ANKS1B: variants seen among roughly 807,000 people sequenced by gnomAD.
ANKS1B encodes the protein ankyrin repeat and sterile alpha motif domain containing 1B.
In ANKS1B, 36 loss-of-function variants were observed where a neutral mutation model predicts 148.3. That is an observed-to-expected ratio of 0.24 (90% CI 0.19 to 0.32). The LOEUF is 0.32. ANKS1B is among the 10% of genes least tolerant of loss of function. The probability of loss-of-function intolerance (pLI) is 1.00; values close to 1 mark genes in which losing one functional copy is unlikely to be tolerated. For synonymous variants in ANKS1B, 542 were observed against 560.8 expected, an observed-to-expected ratio of 0.97 and a Z score of 0.47; for missense variants, 1,157 against 1,542.6, an observed-to-expected ratio of 0.75 and a Z score of 4.19.
At chr12:98,753,266 TCTCA>T (rs2098139369) in intron 25 of ANKS1B, among the ~76,000 whole-genome samples, 2 of 152,148 alleles carry the variant, frequency 1.3e-5, no homozygotes, top group Admixed American at 1.3e-4. Context: ...CCTTGTCTTC[TCTCA>T]CTGAGAAACC....
At chr12:99,314,839 A>C (rs925049098) in intron 12 of ANKS1B, among the ~76,000 whole-genome samples, 2 of 152,200 alleles carry the variant, frequency 1.3e-5, no homozygotes, top group African/African-American at 4.8e-5. Flanking sequence ...AGGCAATACC[A>C]TTCAGGACAT....
intron 11 of ANKS1B, among the ~76,000 whole-genome samples, chr12:99,433,527 T>C (rs573538251): frequency 1.3e-5 from 2 of 152,250 alleles, no homozygotes; most frequent in South Asian, 4.2e-4. Context: ...GCCTAGAGGA[T>C]TTTTTTGATG....
intron 15 of ANKS1B, chr12:99,093,690 C>G (rs892799848): frequency 1.3e-5 from 2 of 152,152 alleles, no homozygotes; most frequent in East Asian, 3.9e-4. Context: ...GATAATTTAG[C>G]CCTCTGAGAA....
At chr12:99,138,099 A>G (rs938942397) in intron 15 of ANKS1B, among the ~76,000 whole-genome samples, 1 of 152,204 alleles carries the variant, frequency 6.6e-6, no homozygotes, top group East Asian at 1.9e-4. Flanking sequence ...CTAGCATAAC[A>G]TCTGGCATAT....
intron 19 of ANKS1B, among the ~76,000 whole-genome samples, chr12:98,824,070 A>C (rs1348283491): frequency 6.6e-6 from 1 of 152,094 alleles, no homozygotes; most frequent in Non-Finnish European, 1.5e-5. Context: ...TCACTTAAAG[A>C]AAAAAAAGCC....
intron 9 of ANKS1B, among the ~76,000 whole-genome samples, chr12:99,611,706 T>A (rs2097903932): frequency 6.6e-6 from 1 of 152,154 alleles, no homozygotes; most frequent in Admixed American, 6.6e-5. Flanking sequence ...TTTTTAGAAA[T>A]AATAGAGCTT....
At chr12:99,971,931 G>C (rs2095564220) in intron 1 of ANKS1B, among the ~76,000 whole-genome samples, 1 of 152,102 alleles carries the variant, frequency 6.6e-6, no homozygotes, top group Non-Finnish European at 1.5e-5. Context: ...AAGATTTATA[G>C]GAACCATGTG....
At chr12:99,283,853 T>C (rs1205023290) in intron 12 of ANKS1B, among the ~76,000 whole-genome samples, 1 of 152,162 alleles carries the variant, frequency 6.6e-6, no homozygotes, top group Non-Finnish European at 1.5e-5. Flanking sequence ...GCTGAAATAA[T>C]ACCCTGCCAC....
At chr12:98,735,638 TA>T in intron 9 of ANKS1B, 2 of 766,344 alleles carry the variant, frequency 2.6e-6, no homozygotes, top group Non-Finnish European at 4.9e-6. Flanking sequence ...GAAGATCCTG[TA>T]AAAAAGAGAA....
At chr12:98,746,020 G>A (rs2097880919) in intron 26 of ANKS1B, among the ~76,000 whole-genome samples, 171 bp from the exon 27 acceptor site, 1 of 152,192 alleles carries the variant, frequency 6.6e-6, no homozygotes, top group African/African-American at 2.4e-5. Flanking sequence ...ACCGCATACC[G>A]ACTCTCTGCA....
At chr12:99,034,822 A>G (rs1309071082) in intron 17 of ANKS1B, among the ~76,000 whole-genome samples, 2 of 152,240 alleles carry the variant, frequency 1.3e-5, no homozygotes, top group Non-Finnish European at 2.9e-5. Flanking sequence ...AGGTGTTGAC[A>G]GTGCAGAGGT....
intron 17 of ANKS1B, among the ~76,000 whole-genome samples, chr12:98,868,659 T>C (rs1158688734): frequency 6.6e-6 from 1 of 152,224 alleles, no homozygotes; most frequent in African/African-American, 2.4e-5. Context: ...TGGGTCGAGT[T>C]GAAATCACCA....
rs533313948 is a variant in ANKS1B at position 98,885,612 on chromosome 12, G to A, written c.2779-53476C>T. Among the ~76,000 whole-genome samples, 6 of 152,268 alleles carry A rather than the reference G, an allele frequency of 3.9e-5. No individual in the cohort carries two copies. In the East Asian group the frequency reaches 7.7e-4, roughly 20 times the overall value. ...CTCGAGGATAGCTACTAGCTCTTAT[G>A]GAACCCTTTAGTTAATTATAAAAAG... On this transcript the variant is annotated intron_variant, in intron 17 of 26. Coordinates refer to ENST00000683438, the MANE Select transcript of ANKS1B (RefSeq NM_001352186.2).
intron 12 of ANKS1B, among the ~76,000 whole-genome samples, chr12:99,319,116 G>T (rs185791299): frequency 6.1e-4 from 93 of 152,316 alleles, no homozygotes; most frequent in African/African-American, 2.2e-3. Context: ...TTTGGAATAA[G>T]TGTGATGTGG....
chr12:99,550,667 T>C (rs1230929247), intron 9 of ANKS1B, among the ~76,000 whole-genome samples: 4 of 152,108 alleles, frequency 2.6e-5, no homozygotes, highest in African/African-American at 9.7e-5. Context: ...TAGAAATTTT[T>C]ATTTTTAACA....
chr12:99,238,470 G>C (rs749953017), intron 14 of ANKS1B, among the ~76,000 whole-genome samples: 13 of 152,194 alleles, frequency 8.5e-5, no homozygotes, highest in Non-Finnish European at 8.8e-5. Context: ...TTCCACCTCT[G>C]GGGGAAGGGC....
At chr12:98,910,092 T>G (rs1457856703) in intron 17 of ANKS1B, among the ~76,000 whole-genome samples, 1 of 152,236 alleles carries the variant, frequency 6.6e-6, no homozygotes, top group Non-Finnish European at 1.5e-5. Context: ...CTATCTGGGC[T>G]TTTTGAGCAA....
chr12:99,524,369 T>C (rs975523748), intron 9 of ANKS1B, among the ~76,000 whole-genome samples: 2 of 152,128 alleles, frequency 1.3e-5, no homozygotes, highest in African/African-American at 4.8e-5. Context: ...CCCTGGAAAC[T>C]AGGAATACAT....
At chr12:98,779,782 A>C (rs2098715559) in intron 24 of ANKS1B, among the ~76,000 whole-genome samples, 1 of 152,238 alleles carries the variant, frequency 6.6e-6, no homozygotes. Flanking sequence ...ATAAAAAAGC[A>C]AATCAATCAG....
Sources: gnomAD v4.1 joint callset for allele counts (sites outside exome capture counted in the v4.1 genomes callset) on GRCh38, gnomAD v4.1.1 for gene constraint, MANE v1.5 for transcripts, NCBI Gene and HGNC (gene_info 2026-07-23, HGNC 2026-07-21) for gene names.